CHD9NB: variants seen among roughly 807,000 people sequenced by gnomAD.
CHD9NB encodes the protein CHD9 neighbor protein.
the CHD9NB span, chr16:53,043,021 T>C: frequency 6.6e-6 from 1 of 152,272 alleles, no homozygotes; most frequent in Non-Finnish European, 1.5e-5. Context: ...TCCACAGAAT[T>C]ACACCCACTC....
chr16:53,039,835 TGC>T, the CHD9NB span, among the ~76,000 whole-genome samples: 26 of 152,086 alleles, frequency 1.7e-4, no homozygotes, highest in African/African-American at 5.5e-4. Context: ...GGCTATGCAG[TGC>T]TCAGGCTGAC....
the CHD9NB span, among the ~76,000 whole-genome samples, chr16:53,045,401 A>G: frequency 6.6e-6 from 1 of 152,126 alleles, no homozygotes; most frequent in African/African-American, 2.4e-5. Flanking sequence ...GCTGTGAGCA[A>G]TCTCTGATGT....
the CHD9NB span, among the ~76,000 whole-genome samples, chr16:53,046,181 T>C: frequency 1.3e-5 from 2 of 152,048 alleles, no homozygotes; most frequent in African/African-American, 4.8e-5. Context: ...GGCAAATCCT[T>C]ATTTGGATAT....
chr16:53,039,574 G>T, the CHD9NB span, among the ~76,000 whole-genome samples: 1 of 152,008 alleles, frequency 6.6e-6, no homozygotes, highest in Non-Finnish European at 1.5e-5. Flanking sequence ...GCAAAACCCC[G>T]TCTCTACTAA....
the CHD9NB span, among the ~76,000 whole-genome samples, chr16:53,048,753 G>A: frequency 7.2e-5 from 11 of 152,200 alleles, no homozygotes; most frequent in African/African-American, 2.7e-4. Flanking sequence ...TCACCTAACA[G>A]CTATGACTAT....
At chr16:53,049,901 TTAA>T in the CHD9NB span, among the ~76,000 whole-genome samples, 1 of 152,154 alleles carries the variant, frequency 6.6e-6, no homozygotes, top group South Asian at 2.1e-4. Context: ...TAAGATGTAA[TTAA>T]TAATAACTGC....
the CHD9NB span, among the ~76,000 whole-genome samples, chr16:53,041,376 G>A: frequency 2.0e-5 from 3 of 152,244 alleles, no homozygotes; most frequent in African/African-American, 7.2e-5. Flanking sequence ...AAAGGAAACT[G>A]AGTACTTTTT....
the CHD9NB span, among the ~76,000 whole-genome samples, chr16:53,051,900 G>T: frequency 6.7e-6 from 1 of 150,076 alleles, no homozygotes; most frequent in African/African-American, 2.5e-5. Flanking sequence ...GGTGTTCAGG[G>T]CATGTGCCTT....
chr16:53,037,084 C>T, the CHD9NB span, among the ~76,000 whole-genome samples: 17 of 152,086 alleles, frequency 1.1e-4, no homozygotes, highest in African/African-American at 3.9e-4. Context: ...TACAGGCACA[C>T]GCCACCACAC....
chr16:53,051,139 G>A, the CHD9NB span, among the ~76,000 whole-genome samples: 11 of 151,474 alleles, frequency 7.3e-5, no homozygotes, highest in African/African-American at 1.5e-4. Flanking sequence ...CGCCTGCCTC[G>A]GCCTCCCAAA....
At chr16:53,037,615 G>C in the CHD9NB span, among the ~76,000 whole-genome samples, 6 of 152,206 alleles carry the variant, frequency 3.9e-5, no homozygotes, top group Non-Finnish European at 7.3e-5. Flanking sequence ...CCCCAGAGTG[G>C]GGTTAATGGA....
chr16:53,042,419 G>A, the CHD9NB span, among the ~76,000 whole-genome samples: 1 of 135,408 alleles, frequency 7.4e-6, no homozygotes, highest in Non-Finnish European at 1.6e-5. Context: ...CTCTTCCTCT[G>A]TTTCCCCTCC....
chr16:53,036,942 A>AT, the CHD9NB span, among the ~76,000 whole-genome samples: 575 of 147,680 alleles, frequency 3.9e-3, 2 homozygotes, highest in Non-Finnish European at 6.1e-3. Context: ...GCTTCATCAA[A>AT]TTTTTTTTTT....
At chr16:53,040,683 A>C in the CHD9NB span, among the ~76,000 whole-genome samples, 1 of 152,214 alleles carries the variant, frequency 6.6e-6, no homozygotes, top group African/African-American at 2.4e-5. Flanking sequence ...CCCAGTAAAC[A>C]CTGAATTAAT....
At chr16:53,042,478 A>C in the CHD9NB span, among the ~76,000 whole-genome samples, 288 of 87,122 alleles carry the variant, frequency 3.3e-3, no homozygotes, top group Admixed American at 4.4e-3. Context: ...CCCTCTCCCT[A>C]CCTCTTTCCT....
chr16:53,036,943 T>A, the CHD9NB span, among the ~76,000 whole-genome samples: 1 of 146,860 alleles, frequency 6.8e-6, no homozygotes, highest in Non-Finnish European at 1.5e-5. Flanking sequence ...CTTCATCAAA[T>A]TTTTTTTTTT....
At chr16:53,036,789 C>A in the CHD9NB span, among the ~76,000 whole-genome samples, 1 of 152,244 alleles carries the variant, frequency 6.6e-6, no homozygotes, top group South Asian at 2.1e-4. Context: ...TTTCCTAAGC[C>A]AATGAGAATT....
At chr16:53,040,246 T>G in the CHD9NB span, among the ~76,000 whole-genome samples, 2 of 152,030 alleles carry the variant, frequency 1.3e-5, no homozygotes, top group Non-Finnish European at 2.9e-5. Flanking sequence ...ATTTTTTTTT[T>G]TGTATTTTTA....
chr16:53,047,635 C>T, the CHD9NB span, among the ~76,000 whole-genome samples: 1 of 152,188 alleles, frequency 6.6e-6, no homozygotes, highest in Non-Finnish European at 1.5e-5. Flanking sequence ...GTCATTTAAC[C>T]TTAATTGCCT....
Sources: allele counts gnomAD v4.1 joint callset (sites outside exome capture counted in the v4.1 genomes callset), GRCh38; gene constraint gnomAD v4.1.1; transcripts MANE v1.5; gene names NCBI Gene and HGNC (gene_info 2026-07-23, HGNC 2026-07-21).